ACER2: variants seen among roughly 807,000 people sequenced by gnomAD.
ACER2 encodes alkaline ceramidase 2, also known as alkCDase 2.
In ACER2, 26 loss-of-function variants were observed where a neutral mutation model predicts 34.7. The observed-to-expected ratio is 0.75, with a 90% CI of 0.55 to 1.04. ACER2 has a LOEUF of 1.04. ACER2 is among the 50% of genes least tolerant of loss of function. The probability of loss-of-function intolerance (pLI) is 0.00; values close to 1 mark genes in which losing one functional copy is unlikely to be tolerated. For missense variants in ACER2, 352 were observed against 340.8 expected (o/e 1.03, Z -0.26); for synonymous variants, 138 against 132.1 (o/e 1.04, Z -0.31).
Position 19,452,223 on chromosome 9 carries a change from G to A in ACER2, c.*1587G>A, listed in dbSNP as rs970373459. Reference sequence around the variant, plus strand: ...GCAGGACAGGTGTGTTCTTCTGTGGGCAGGAGTCATGTCACTGTCCTACAT... The same window carrying A: ...GCAGGACAGGTGTGTTCTTCTGTGGACAGGAGTCATGTCACTGTCCTACAT... On this transcript the variant is annotated 3_prime_UTR_variant, in exon 6 of 6. Coordinates refer to ENST00000340967, the MANE Select transcript of ACER2 (RefSeq NM_001010887.3). Among the ~76,000 whole-genome samples, 2 of 152,188 alleles carry A rather than the reference G, an allele frequency of 1.3e-5. No individual in the cohort carries two copies. Among genetic ancestry groups the A allele is most frequent in the African/African-American group, 4.8e-5 (2 of 41,436 alleles).
intron 3 of ACER2, among the ~76,000 whole-genome samples, chr9:19,430,750 G>C (rs892897297): frequency 6.6e-6 from 1 of 152,130 alleles, no homozygotes; most frequent in Non-Finnish European, 1.5e-5. Context: ...CTGAGGTCAG[G>C]AGTTTGAGAC....
intron 1 of ACER2, chr9:19,409,998 T>A (rs1830040666): frequency 6.6e-6 from 6 of 909,582 alleles, no homozygotes; most frequent in Non-Finnish European, 7.9e-6. Context: ...AAATGCCTCT[T>A]ATTTTGTGTA....
intron 3 of ACER2, among the ~76,000 whole-genome samples, chr9:19,434,377 C>A (rs1268216766): frequency 4.4e-4 from 67 of 152,272 alleles, no homozygotes; most frequent in Non-Finnish European, 3.5e-4. Flanking sequence ...GGGTGGCGGC[C>A]GGGCAGAGGC....
chr9:19,446,632 G>T (rs1831374191), intron 5 of ACER2: 1 of 985,276 alleles, frequency 1.0e-6, no homozygotes, highest in Non-Finnish European at 1.2e-6. Context: ...GGAACGAAAG[G>T]CCTGATTGTC....
chr9:19,423,838 C>G (rs1830482355), intron 1 of ACER2, 24 bp from the exon 2 acceptor site: 1 of 1,577,090 alleles, frequency 6.3e-7, no homozygotes, highest in Admixed American at 1.7e-5. Context: ...ACTCATCTTT[C>G]TGTTTTACAT....
At position 19,420,829 on chromosome 9, in the gene ACER2, C is replaced by T. The variant is rs189291542; in HGVS notation, c.109-3033C>T. Among the ~76,000 whole-genome samples, 38 of 152,298 alleles carry T rather than the reference C, an allele frequency of 2.5e-4. No individual in the cohort carries two copies. In the South Asian group the frequency reaches 2.9e-3, roughly 12 times the overall value. On this transcript the variant is annotated intron_variant, in intron 1 of 5. Transcript: ENST00000340967. ...AGACGGAGTATATGCTACACCCTCA[C>T]ATGGTGGGAAGGGTGAATACCTCCC...
rs544394832 is a variant in ACER2, at chr9:19,423,896, T to G, written c.143T>G (p.Ile48Ser). The G allele has an allele frequency of 3.1e-6, 5 of 1,614,132 alleles. No individual in the cohort carries two copies. Among genetic ancestry groups the G allele is most frequent in the Non-Finnish European group, 4.2e-6 (5 of 1,179,974 alleles). Residue 48 changes from isoleucine (I) to serine (S), a missense_variant, in exon 2 of 6, where the codon ATC becomes AGC. Coordinates refer to ENST00000340967, the MANE Select transcript of ACER2 (RefSeq NM_001010887.3). ...GTCTTATTTTTCATTTTACCGCCCA[T>G]CTGCATGTGCTTGTTTCGTCAGTAT... ...SNVLFFILPP[I>S]CMCLFRQYAT...
intron 4 of ACER2, among the ~76,000 whole-genome samples, chr9:19,440,004 C>T (rs189984107): frequency 5.3e-4 from 81 of 152,112 alleles, no homozygotes; most frequent in African/African-American, 1.7e-3. Context: ...CCCTTTATCC[C>T]TTACCTCTCA....
At chr9:19,414,972 T>C (rs1161708415) in intron 1 of ACER2, among the ~76,000 whole-genome samples, 1 of 152,230 alleles carries the variant, frequency 6.6e-6, no homozygotes, top group South Asian at 2.1e-4. Context: ...ATGACTGATT[T>C]GCTTTTTTGT....
intron 3 of ACER2, among the ~76,000 whole-genome samples, chr9:19,428,417 C>G (rs1030282379): frequency 4.6e-5 from 7 of 151,756 alleles, no homozygotes; most frequent in Non-Finnish European, 8.8e-5. Context: ...ATCTGCCTGC[C>G]TTGGCCTCCC....
intron 4 of ACER2, among the ~76,000 whole-genome samples, chr9:19,439,416 C>T (rs896041114): frequency 6.7e-6 from 1 of 149,860 alleles, no homozygotes; most frequent in Non-Finnish European, 1.5e-5. Context: ...TCTCGGCTCA[C>T]TGTAACCTTC....
chr9:19,437,529 C>G (rs1831016081), intron 4 of ACER2, among the ~76,000 whole-genome samples: 1 of 152,178 alleles, frequency 6.6e-6, no homozygotes, highest in Non-Finnish European at 1.5e-5. Context: ...TTCCTCCAAT[C>G]TCTTCTTTCA....
At chr9:19,428,706 A>G (rs962983851) in intron 3 of ACER2, among the ~76,000 whole-genome samples, 10 of 151,216 alleles carry the variant, frequency 6.6e-5, no homozygotes. Context: ...GGCCTATAGT[A>G]CAATGGCTCA....
At chr9:19,413,059 A>G (rs1179225216) in intron 1 of ACER2, among the ~76,000 whole-genome samples, 2 of 152,204 alleles carry the variant, frequency 1.3e-5, no homozygotes, top group Non-Finnish European at 2.9e-5. Flanking sequence ...ATTATTGTGA[A>G]ATGGCACACT....
chr9:19,415,391 A>T (rs1033013026), intron 1 of ACER2, among the ~76,000 whole-genome samples: 1 of 151,990 alleles, frequency 6.6e-6, no homozygotes. Context: ...ACTTGAGGAG[A>T]GGCTGAATCA....
At chr9:19,418,072 A>T (rs1043747348) in intron 1 of ACER2, among the ~76,000 whole-genome samples, 1 of 152,266 alleles carries the variant, frequency 6.6e-6, no homozygotes, top group Non-Finnish European at 1.5e-5. Flanking sequence ...GAAGACATTT[A>T]TGTGGCCTAC....
chr9:19,413,908 T>G (rs1187853564), intron 1 of ACER2, among the ~76,000 whole-genome samples: 1 of 152,204 alleles, frequency 6.6e-6, no homozygotes, highest in African/African-American at 2.4e-5. Flanking sequence ...GGTCGATCCA[T>G]CAATCTGAGC....
intron 4 of ACER2, among the ~76,000 whole-genome samples, chr9:19,444,409 T>C (rs1282944918): frequency 2.0e-5 from 3 of 151,978 alleles, no homozygotes; most frequent in African/African-American, 7.3e-5. Context: ...AGACGAGGTT[T>C]CACCGGATTA....
At chr9:19,442,218 T>C (rs1284336699) in intron 4 of ACER2, among the ~76,000 whole-genome samples, 1 of 152,190 alleles carries the variant, frequency 6.6e-6, no homozygotes, top group Admixed American at 6.5e-5. Context: ...AGTGATTTTA[T>C]TGTTAAGAAA....
Sources: gnomAD v4.1 joint callset for allele counts (sites outside exome capture counted in the v4.1 genomes callset) on GRCh38, gnomAD v4.1.1 for gene constraint, MANE v1.5 for transcripts, NCBI Gene and HGNC (gene_info 2026-07-23, HGNC 2026-07-21) for gene names.